Variants in PSMD1 observed in about 807,000 individuals in gnomAD.
PSMD1 encodes the protein 26S proteasome non-ATPase regulatory subunit 1.
A neutral mutation model predicts 119.0 loss-of-function variants in PSMD1; 18 were observed. The ratio of observed to expected loss-of-function variants is 0.15; its 90% CI spans 0.10 to 0.22. The LOEUF is 0.22. Among genes scored for constraint, PSMD1 ranks in the 10% least tolerant of loss-of-function variants. The probability of loss-of-function intolerance (pLI) is 1.00; values close to 1 mark genes in which losing one functional copy is unlikely to be tolerated. For synonymous variants in PSMD1, 374 were observed against 396.6 expected, an observed-to-expected ratio of 0.94 and a Z score of 0.68; for missense variants, 702 against 1,158.5, an observed-to-expected ratio of 0.61 and a Z score of 5.72.
chr2:231,061,421 GTACCCA>G, intron 2 of PSMD1, 111 bp downstream of exon 2: 1 of 892,022 alleles, frequency 1.1e-6, no homozygotes. Context: ...TAGCTGGCTT[GTACCCA>G]GTTACTGTAA....
chr2:231,155,688 T>G (rs886926546), intron 19 of PSMD1, among the ~76,000 whole-genome samples: 1 of 152,008 alleles, frequency 6.6e-6, no homozygotes, highest in Non-Finnish European at 1.5e-5. Context: ...GAGGCAAATG[T>G]TCCTCTCTTT....
intron 6 of PSMD1, 24 bp downstream of exon 6, chr2:231,070,192 A>G: frequency 2.0e-6 from 3 of 1,505,514 alleles, no homozygotes; most frequent in Non-Finnish European, 2.7e-6. Context: ...ATTATGTTTC[A>G]TTACATTGCT....
intron 16 of PSMD1, among the ~76,000 whole-genome samples, chr2:231,099,311 A>C (rs1043048915): frequency 6.6e-6 from 1 of 152,216 alleles, no homozygotes; most frequent in African/African-American, 2.4e-5. Flanking sequence ...GGCATAGCCT[A>C]GTTCTTCCTG....
chr2:231,118,042 T>C (rs1006931367), intron 16 of PSMD1, among the ~76,000 whole-genome samples: 4 of 152,136 alleles, frequency 2.6e-5, no homozygotes, highest in Non-Finnish European at 4.4e-5. Flanking sequence ...CTCCTGGGTT[T>C]AAATCATGTC....
chr2:231,065,848 G>T (rs1009980301), intron 4 of PSMD1, among the ~76,000 whole-genome samples: 1 of 152,118 alleles, frequency 6.6e-6, no homozygotes, highest in African/African-American at 2.4e-5. Context: ...ACACCTTCTT[G>T]GGAGAAATAG....
rs1225580516 is a variant in PSMD1 at position 231,062,623 on chromosome 2, A to G, written c.252A>G (p.Ala84=). The change falls in exon 4 of 25, where the codon GCA becomes GCG. Residue 84 remains alanine, a synonymous_variant. Coordinates refer to ENST00000308696, the MANE Select transcript of PSMD1 (RefSeq NM_002807.4). ...AGTCTCTGAATTATGCTCTTGGAGC[A>G]GGGGACCTCTTCAATGTCAATGATA... ...FEESLNYALG[A]GDLFNVNDNS... 1.8e-5 allele frequency: 29 copies of G among 1,613,190 alleles called. No homozygotes were observed. Among genetic ancestry groups the G allele is most frequent in the Non-Finnish European group, 2.5e-5 (29 of 1,179,680 alleles).
intron 16 of PSMD1, among the ~76,000 whole-genome samples, chr2:231,115,278 G>A (rs1335584586): frequency 6.6e-6 from 1 of 151,848 alleles, no homozygotes; most frequent in Non-Finnish European, 1.5e-5. Flanking sequence ...TTTTTTTAAA[G>A]TCAGGTAGGA....
At chr2:231,108,424 A>C in intron 16 of PSMD1, 1 of 872,066 alleles carries the variant, frequency 1.1e-6, no homozygotes. Flanking sequence ...TTGATATATG[A>C]CATAAAATTC....
chr2:231,062,338 A>G lies in PSMD1; in HGVS notation c.134+17A>G. ...AGACAAAATGTAAGAAATTATTTTT[A>G]TAAATCAGAATAAGATGGATCAAAT... On this transcript the variant is annotated intron_variant, in intron 3 of 24. Coordinates refer to ENST00000308696, the MANE Select transcript of PSMD1 (RefSeq NM_002807.4). The G allele has an allele frequency of 6.4e-7, 1 of 1,574,254 alleles. No individual in the cohort carries two copies. Among genetic ancestry groups the G allele is most frequent in the Non-Finnish European group, 8.7e-7 (1 of 1,146,198 alleles).
intron 8 of PSMD1, among the ~76,000 whole-genome samples, chr2:231,076,801 T>G (rs1252269600): frequency 6.6e-6 from 1 of 152,234 alleles, no homozygotes; most frequent in African/African-American, 2.4e-5. Context: ...TCTTTCCCAG[T>G]TTTTAAAAAA....
intron 2 of PSMD1, among the ~76,000 whole-genome samples, chr2:231,061,797 T>C (rs1466557076): frequency 6.6e-6 from 1 of 152,162 alleles, no homozygotes; most frequent in East Asian, 1.9e-4. Flanking sequence ...CTCCTGCTCC[T>C]GGGCTCAAGT....
intron 16 of PSMD1, among the ~76,000 whole-genome samples, chr2:231,118,610 A>G (rs1476072754): frequency 2.6e-5 from 4 of 151,880 alleles, no homozygotes; most frequent in Non-Finnish European, 5.9e-5. Context: ...CTTTCTTTTG[A>G]ATTAGTACAA....
intron 17 of PSMD1, among the ~76,000 whole-genome samples, chr2:231,143,276 C>A (rs1696172281): frequency 1.3e-5 from 2 of 152,002 alleles, no homozygotes; most frequent in Admixed American, 6.6e-5. Context: ...GTTGCCCAGG[C>A]TAGAGTGCAG....
intron 16 of PSMD1, among the ~76,000 whole-genome samples, chr2:231,093,828 G>T (rs1694658879): frequency 6.6e-6 from 1 of 151,988 alleles, no homozygotes; most frequent in Non-Finnish European, 1.5e-5. Flanking sequence ...GTCCTTGGGG[G>T]TTATACGAGA....
chr2:231,102,237 G>A (rs1435651596), intron 16 of PSMD1, among the ~76,000 whole-genome samples: 2 of 152,100 alleles, frequency 1.3e-5, no homozygotes, highest in African/African-American at 2.4e-5. Flanking sequence ...CAAAAAGTTC[G>A]TGTGACTCAC....
At chr2:231,122,765 C>G (rs958980257) in intron 16 of PSMD1, among the ~76,000 whole-genome samples, 4 of 152,088 alleles carry the variant, frequency 2.6e-5, no homozygotes, top group African/African-American at 9.7e-5. Flanking sequence ...AGAGGCCTAT[C>G]AGGAACACAG....
chr2:231,101,767 T>C (rs1176590476), intron 16 of PSMD1, among the ~76,000 whole-genome samples: 1 of 152,180 alleles, frequency 6.6e-6, no homozygotes, highest in Non-Finnish European at 1.5e-5. Flanking sequence ...TAAAGATGAA[T>C]ATGCACTGAG....
At chr2:231,078,815 T>TG (rs1694235743) in intron 10 of PSMD1, 68 bp downstream of exon 10, 1 of 1,057,446 alleles carries the variant, frequency 9.5e-7, no homozygotes, top group African/African-American at 1.6e-5. Context: ...TTTTTTTTTT[T>TG]GTGCAGTCTT....
Position 231,094,511 on chromosome 2 carries a change from TAAAC to T in PSMD1, c.1883+7332_1883+7335del, listed in dbSNP as rs536925178. 1.8e-3 allele frequency among the ~76,000 whole-genome samples: 269 copies of T among 152,236 alleles called. 1 individual carries two copies. The highest frequency in any genetic ancestry group is 6.1e-3 in the African/African-American group (253 of 41,556). ...GGCTGTTTCAAGGTTCTGCAATAAA[TAAAC>T]AGAGTAAGCAGGGTCACTAACAATA... On this transcript the variant is annotated intron_variant, in intron 16 of 24. Transcript: ENST00000308696.
Sources: allele counts gnomAD v4.1 joint callset (sites outside exome capture counted in the v4.1 genomes callset), GRCh38; gene constraint gnomAD v4.1.1; transcripts MANE v1.5; gene names NCBI Gene and HGNC (gene_info 2026-07-23, HGNC 2026-07-21).